The following SMC1B variants were observed in gnomAD, a reference collection of about 807,000 sequenced individuals.
SMC1B encodes the protein structural maintenance of chromosomes protein 1B.
A neutral mutation model predicts 157.9 loss-of-function variants in SMC1B; 60 were observed. That is an observed-to-expected ratio of 0.38 (90% CI 0.31 to 0.47). SMC1B has a LOEUF of 0.47. Ranked by LOEUF, SMC1B falls within the 20% of genes least tolerant of loss-of-function variation. The probability of loss-of-function intolerance (pLI) is 0.99; values close to 1 mark genes in which losing one functional copy is unlikely to be tolerated. For synonymous variants in SMC1B, 445 were observed against 483.0 expected (o/e 0.92, Z 1.03); for missense variants, 1,165 against 1,426.2 (o/e 0.82, Z 2.95).
At chr22:45,390,043 T>C (rs1472737365) in intron 9 of SMC1B, 146 bp from the exon 10 acceptor site, 2 of 664,230 alleles carry the variant, frequency 3.0e-6, no homozygotes, top group African/African-American at 3.7e-5. Context: ...TTTATTCAAA[T>C]AGACCTAAGT....
At chr22:45,410,873 G>A (rs1174412720) in intron 1 of SMC1B, among the ~76,000 whole-genome samples, 1 of 152,176 alleles carries the variant, frequency 6.6e-6, no homozygotes, top group Non-Finnish European at 1.5e-5. Flanking sequence ...CTGAGTCTCA[G>A]TCAACTAACA....
At chr22:45,353,286 G>GAAA (rs2086633269) in intron 21 of SMC1B, among the ~76,000 whole-genome samples, 2 of 52,076 alleles carry the variant, frequency 3.8e-5, no homozygotes, top group African/African-American at 7.3e-5. Flanking sequence ...AAGAAAGAAA[G>GAAA]AAAGAAAAAA....
At chr22:45,399,416 A>G in intron 5 of SMC1B, 63 bp from the exon 6 acceptor site, 1 of 1,446,424 alleles carries the variant, frequency 6.9e-7, no homozygotes, top group Non-Finnish European at 9.4e-7. Context: ...AAAGGGAAGA[A>G]GTTGTTTTGA....
At position 45,402,683 on chromosome 22, in the gene SMC1B, AC is replaced by A. The variant is rs1444218774; in HGVS notation, c.616-113del. The A allele has an allele frequency of 2.8e-5, 22 of 788,832 alleles. 1 individual carries two copies. The East Asian group carries it at 5.1e-4, about 18-fold the overall frequency. The allele number at this position is 788,832 out of a possible 1,614,324, so 48.9% of individuals were successfully genotyped here. On this transcript the variant is annotated intron_variant, in intron 4 of 24. Transcript: ENST00000357450. ...AACTAATGAATGTTTATTTATTAGGACATAATGTTCTTGCCAAAAGTAGCAT... is the reference window on the plus strand; with the variant it reads ...AACTAATGAATGTTTATTTATTAGGAATAATGTTCTTGCCAAAAGTAGCAT...
intron 19 of SMC1B, among the ~76,000 whole-genome samples, chr22:45,356,326 A>G (rs937015431): frequency 3.9e-5 from 6 of 152,232 alleles, no homozygotes; most frequent in Non-Finnish European, 7.3e-5. Context: ...ATGTGACCCC[A>G]TTCAGGCAAC....
chr22:45,410,152 GA>G (rs1400548464), intron 1 of SMC1B, among the ~76,000 whole-genome samples: 1 of 152,190 alleles, frequency 6.6e-6, no homozygotes, highest in Non-Finnish European at 1.5e-5. Flanking sequence ...TCCCTTTGCT[GA>G]GTTCGCTTTG....
rs569254625 is a variant in SMC1B at position 45,407,734 on chromosome 22, C to A, written c.299-869G>T. Among the ~76,000 whole-genome samples the A allele has an allele frequency of 7.0e-4, 107 of 152,258 alleles. 1 individual carries two copies. Among genetic ancestry groups the A allele is most frequent in the African/African-American group, 2.4e-3 (101 of 41,544 alleles). On this transcript the variant is annotated intron_variant, in intron 2 of 24. Coordinates refer to ENST00000357450, the MANE Select transcript of SMC1B (RefSeq NM_148674.5). ...AAAGTGCTGGGATTACAGGCATGAG[C>A]CCCATGCCCAGCCTATATTATCTTA...
At chr22:45,355,978 G>T (rs542425106) in intron 19 of SMC1B, among the ~76,000 whole-genome samples, 1 of 152,280 alleles carries the variant, frequency 6.6e-6, no homozygotes, top group African/African-American at 2.4e-5. Context: ...GCTGAGGCAG[G>T]ACAATCGCTT....
chr22:45,380,873 C>G (rs970116018), intron 12 of SMC1B, among the ~76,000 whole-genome samples: 1 of 152,060 alleles, frequency 6.6e-6, no homozygotes, highest in African/African-American at 2.4e-5. Flanking sequence ...TTACACTGAG[C>G]TATGATGGCA....
At chr22:45,378,295 T>C (rs1363210967) in intron 12 of SMC1B, among the ~76,000 whole-genome samples, 4 of 152,198 alleles carry the variant, frequency 2.6e-5, no homozygotes, top group Non-Finnish European at 5.9e-5. Context: ...ACAAATATTA[T>C]TTTGGTCACT....
At chr22:45,356,042 C>T (rs1304726542) in intron 19 of SMC1B, among the ~76,000 whole-genome samples, 1 of 152,142 alleles carries the variant, frequency 6.6e-6, no homozygotes, top group East Asian at 1.9e-4. Context: ...TGCACTCCAG[C>T]CTAGGTGACA....
intron 9 of SMC1B, among the ~76,000 whole-genome samples, chr22:45,392,299 C>A (rs963067598): frequency 1.1e-4 from 16 of 152,102 alleles, no homozygotes; most frequent in African/African-American, 3.6e-4. Flanking sequence ...TGTGAGTTTG[C>A]TTCTTGCTAG....
rs373762564 is a variant in SMC1B, at chr22:45,394,924, G to C, written c.1255-157C>G. ...CTTATCAGAGCAAATTACAGATCAG[G>C]GTTCAACTCCTGAATCTTTACCATT... On this transcript the variant is annotated intron_variant, in intron 7 of 24. Coordinates refer to ENST00000357450, the MANE Select transcript of SMC1B (RefSeq NM_148674.5). Among the ~76,000 whole-genome samples, 101 of 152,134 alleles carry C rather than the reference G, an allele frequency of 6.6e-4. 1 individual carries two copies. The highest frequency in any genetic ancestry group is 2.3e-3 in the African/African-American group (96 of 41,506).
At chr22:45,349,128 C>T (rs2086583053) in intron 23 of SMC1B, among the ~76,000 whole-genome samples, 1 of 151,026 alleles carries the variant, frequency 6.6e-6, no homozygotes, top group Non-Finnish European at 1.5e-5. Context: ...GATTGTCATG[C>T]CTCAGCCTCC....
At chr22:45,353,893 CAAAAAAA>C (rs3833396) in intron 21 of SMC1B, 78 bp downstream of exon 21, 28 of 247,446 alleles carry the variant, frequency 1.1e-4, no homozygotes, top group Middle Eastern at 1.2e-3. Flanking sequence ...TATTTCCCAC[CAAAAAAA>C]AAAAAAAAAA....
chr22:45,344,325 T>G lies in SMC1B; in HGVS notation c.*231A>C. 1 of 318,204 alleles carries G rather than the reference T, an allele frequency of 3.1e-6. No individual in the cohort carries two copies. The highest frequency in any genetic ancestry group is 5.7e-6 in the Non-Finnish European group (1 of 175,280). 19.7% of individuals were successfully genotyped at this position (318,204 alleles called of 1,614,324 possible). ...AGTACAAAATTGTACCTTTTGTTTG[T>G]TTTTTAAAAACTCATTTGACACCAG... is the stretch of plus-strand genomic sequence containing the variant. On this transcript the variant is annotated 3_prime_UTR_variant, in exon 25 of 25. Coordinates refer to ENST00000357450, the MANE Select transcript of SMC1B (RefSeq NM_148674.5).
chr22:45,403,380 T>G (rs1191635342), intron 4 of SMC1B, among the ~76,000 whole-genome samples: 2 of 152,192 alleles, frequency 1.3e-5, no homozygotes, highest in African/African-American at 2.4e-5. Context: ...GTATTGAGTA[T>G]CTACTATGAG....
intron 24 of SMC1B, 55 bp from the exon 25 acceptor site, chr22:45,344,712 T>C: frequency 4.9e-6 from 6 of 1,223,984 alleles, no homozygotes; most frequent in Non-Finnish European, 7.3e-6. Flanking sequence ...AAAGTATTAT[T>C]AAAGTAAGAG....
At chr22:45,398,935 A>C (rs550841050) in intron 6 of SMC1B, among the ~76,000 whole-genome samples, 160 bp downstream of exon 6, 285 of 152,292 alleles carry the variant, frequency 1.9e-3, no homozygotes, top group African/African-American at 6.2e-3. Context: ...AAAATAAATA[A>C]ATCTAGTTCT....
Sources: allele counts gnomAD v4.1 joint callset (sites outside exome capture counted in the v4.1 genomes callset), GRCh38; gene constraint gnomAD v4.1.1; transcripts MANE v1.5; gene names NCBI Gene and HGNC (gene_info 2026-07-23, HGNC 2026-07-21).